Variants in SAMSN1 observed in about 807,000 individuals in gnomAD.
The protein encoded by SAMSN1 is SAM domain-containing protein SAMSN-1.
Under a neutral mutation model 42.0 loss-of-function variants are expected in SAMSN1, and 31 were observed. The ratio of observed to expected loss-of-function variants is 0.74; its 90% CI spans 0.55 to 1.00. The LOEUF (loss-of-function observed/expected upper bound fraction) is 1.00, where lower values mean the gene tolerates loss of function less well. SAMSN1 is among the 50% of genes least tolerant of loss of function. The pLI is 0.00. For missense variants in SAMSN1, 464 were observed against 439.4 expected (o/e 1.06, Z -0.50); for synonymous variants, 178 against 151.9 (o/e 1.17, Z -1.26).
chr21:14,548,368 T>C (rs1261951176), upstream of SAMSN1, among the ~76,000 whole-genome samples: 2 of 152,148 alleles, frequency 1.3e-5, no homozygotes, highest in Admixed American at 6.5e-5. Flanking sequence ...TTTGAGGTGG[T>C]GCTTGCTATA....
intron 2 of SAMSN1, among the ~76,000 whole-genome samples, chr21:14,624,648 C>G (rs1983112843): frequency 6.6e-6 from 1 of 151,868 alleles, no homozygotes; most frequent in South Asian, 2.1e-4. Context: ...GCCTACCAAC[C>G]AAAAAAAGTC....
At chr21:14,544,642 G>A (rs912003682) in intron 1 of SAMSN1, among the ~76,000 whole-genome samples, 5 of 151,992 alleles carry the variant, frequency 3.3e-5, no homozygotes, top group African/African-American at 1.2e-4. Flanking sequence ...TTTGTTCAAA[G>A]ATGTATATTT....
chr21:14,550,200 G>A (rs1333207210), upstream of SAMSN1, among the ~76,000 whole-genome samples: 3 of 152,022 alleles, frequency 2.0e-5, no homozygotes, highest in Admixed American at 6.6e-5. Context: ...AAGGAAGTGG[G>A]GGGACCGTTT....
At chr21:14,634,560 A>C (rs954045473) in intron 2 of SAMSN1, among the ~76,000 whole-genome samples, 17 of 152,210 alleles carry the variant, frequency 1.1e-4, no homozygotes, top group African/African-American at 4.1e-4. Context: ...ACAAACATGA[A>C]GAAAGGCTCA....
intron 2 of SAMSN1, among the ~76,000 whole-genome samples, chr21:14,616,498 T>C (rs2123334154): frequency 6.6e-6 from 1 of 152,280 alleles, no homozygotes; most frequent in South Asian, 2.1e-4. Context: ...CCTCAGGGTG[T>C]TGAAATACAT....
chr21:14,551,703 T>C (rs577338287), intron 2 of SAMSN1, among the ~76,000 whole-genome samples: 2 of 152,234 alleles, frequency 1.3e-5, no homozygotes, highest in African/African-American at 2.4e-5. Flanking sequence ...ATGACTGTCA[T>C]CTTGAGTGTT....
intron 3 of SAMSN1, among the ~76,000 whole-genome samples, chr21:14,515,151 A>G (rs1987853353): frequency 6.6e-6 from 1 of 152,218 alleles, no homozygotes; most frequent in African/African-American, 2.4e-5. Context: ...GTAAGGAGAA[A>G]GAAAAGTGAC....
upstream of SAMSN1, among the ~76,000 whole-genome samples, chr21:14,549,223 C>T (rs1464095437): frequency 6.6e-6 from 1 of 152,124 alleles, no homozygotes; most frequent in African/African-American, 2.4e-5. Flanking sequence ...AATTAGAGAT[C>T]ATGGGACATT....
chr21:14,611,224 T>C (rs552478845), intron 4 of SAMSN1, among the ~76,000 whole-genome samples: 1 of 152,318 alleles, frequency 6.6e-6, no homozygotes, highest in South Asian at 2.1e-4. Flanking sequence ...CATTGGGCTG[T>C]GATAGTTTCA....
chr21:14,652,535 A>C (rs1194732434), intron 1 of SAMSN1, among the ~76,000 whole-genome samples: 1 of 152,042 alleles, frequency 6.6e-6, no homozygotes, highest in Non-Finnish European at 1.5e-5. Context: ...ATATGTAAAT[A>C]AAATCAAAAT....
chr21:14,574,213 T>C (rs1981390960), intron 2 of SAMSN1, among the ~76,000 whole-genome samples: 1 of 152,200 alleles, frequency 6.6e-6, no homozygotes, highest in Admixed American at 6.5e-5. Context: ...TTGTCCATAA[T>C]TGTCTTCCTC....
intron 2 of SAMSN1, among the ~76,000 whole-genome samples, chr21:14,626,102 T>C (rs1983162287): frequency 6.6e-6 from 1 of 152,152 alleles, no homozygotes. Flanking sequence ...CTGGATCCCT[T>C]CTTTACACCT....
At position 14,647,841 on chromosome 21, in the gene SAMSN1, C is replaced by A. The variant is rs527789289; in HGVS notation, c.25-4708G>T. Among the ~76,000 whole-genome samples, 114 of 148,394 alleles carry A rather than the reference C, an allele frequency of 7.7e-4. 2 individuals carry two copies. In the South Asian group the frequency reaches 0.014, roughly 18 times the overall value. Reference sequence around the variant, plus strand: ...TGATTTTTGTACATTGATTTTGTATCCTGAGACTTTGCTGAAGTTGCTTAT... The same window carrying A: ...TGATTTTTGTACATTGATTTTGTATACTGAGACTTTGCTGAAGTTGCTTAT... On this transcript the variant is annotated intron_variant, in intron 1 of 15. Coordinates refer to the SAMSN1 transcript ENST00000647101.
intron 2 of SAMSN1, among the ~76,000 whole-genome samples, chr21:14,636,594 G>T (rs1983472593): frequency 6.6e-6 from 1 of 152,168 alleles, no homozygotes; most frequent in Non-Finnish European, 1.5e-5. Context: ...TGTAATACCA[G>T]CACTTTAGGA....
intron 2 of SAMSN1, among the ~76,000 whole-genome samples, chr21:14,628,425 TAATAA>T (rs1272043160): frequency 2.6e-5 from 4 of 151,938 alleles, no homozygotes; most frequent in Middle Eastern, 3.2e-3. Flanking sequence ...AAATATGAAA[TAATAA>T]AATAAAACAA....
intron 1 of SAMSN1, among the ~76,000 whole-genome samples, chr21:14,537,603 GA>G (rs1156770854): frequency 2.0e-5 from 3 of 152,206 alleles, no homozygotes; most frequent in Middle Eastern, 3.4e-3. Flanking sequence ...TTGAAAAGTA[GA>G]AAAAAGTGCT....
chr21:14,587,132 T>C (rs140303159), upstream of SAMSN1, among the ~76,000 whole-genome samples: 978 of 152,348 alleles, frequency 6.4e-3, 4 homozygotes, highest in Non-Finnish European at 0.011. Context: ...TTCAATGGAC[T>C]CTTCCCAATA....
chr21:14,521,218 T>A lies in SAMSN1; in HGVS notation c.61A>T (p.Ser21Cys). The change falls in exon 2 of 8, where the codon AGC becomes TGC. Residue 21 changes from serine to cysteine, a missense_variant. Coordinates refer to ENST00000400566, the MANE Select transcript of SAMSN1 (RefSeq NM_022136.5). ...CGATCGAAATTCCCAAAACTGCTGC[T>A]TCGCTATAAAATAGAAAAGAAAAAG... ...EKEKHQKPKR[S>C]SSFGNFDRFR... is the part of the protein sequence containing the mutation. The A allele has an allele frequency of 6.2e-7, 1 of 1,609,048 alleles. No homozygotes were observed. The highest frequency in any genetic ancestry group is 2.2e-5 in the East Asian group (1 of 44,758).
At position 14,498,609 on chromosome 21, in the gene SAMSN1, A is replaced by G. The variant is rs771454352; in HGVS notation, c.769-17T>C. 4.5e-6 allele frequency: 7 copies of G among 1,540,890 alleles called. 1 individual carries two copies. The Admixed American group carries it at 1.2e-4, about 26-fold the overall frequency. ...GGTGTATTCCTGTAAGACAAAAAAT[A>G]TAAAGCAAATTAGTCAGATTCAAAT... On this transcript the variant is annotated splice_polypyrimidine_tract_variant and intron_variant, in intron 6 of 7. Coordinates refer to ENST00000400566, the MANE Select transcript of SAMSN1 (RefSeq NM_022136.5).
Sources: allele counts gnomAD v4.1 joint callset (sites outside exome capture counted in the v4.1 genomes callset), GRCh38; gene constraint gnomAD v4.1.1; transcripts MANE v1.5; gene names NCBI Gene and HGNC (gene_info 2026-07-23, HGNC 2026-07-21).